SORCS3: variants seen among roughly 807,000 people sequenced by gnomAD.
SORCS3 encodes the protein VPS10 domain-containing receptor SorCS3.
SORCS3 carries 57 observed loss-of-function variants against 146.3 expected under a neutral mutation model. The observed-to-expected ratio is 0.39, with a 90% confidence interval of 0.31 to 0.49. The LOEUF is 0.49. Among genes scored for constraint, SORCS3 ranks in the 20% least tolerant of loss-of-function variants. The pLI is 0.92. For missense variants in SORCS3, 1,341 were observed against 1,575.5 expected (o/e 0.85, Z 2.52); for synonymous variants, 653 against 618.5 (o/e 1.06, Z -0.83).
rs745948 is a variant in SORCS3 at position 104,773,061 on chromosome 10, G to A, written c.628-69731G>A. Among the ~76,000 whole-genome samples the A allele has an allele frequency of 4.1e-3, 631 of 152,278 alleles. 6 individuals carry two copies. The highest frequency in any genetic ancestry group is 0.015 in the African/African-American group (616 of 41,542). Reference sequence around the variant, plus strand: ...TATCTCATGGGGAGATATAGTATGAGGCAAGGCTTCCCTGAAGAAGCAGCA... The same window carrying A: ...TATCTCATGGGGAGATATAGTATGAAGCAAGGCTTCCCTGAAGAAGCAGCA... On this transcript the variant is annotated intron_variant, in intron 1 of 26. Transcript: ENST00000369701.
intron 2 of SORCS3, among the ~76,000 whole-genome samples, chr10:104,909,078 T>TA (rs919846180): frequency 2.4e-4 from 36 of 152,154 alleles, no homozygotes; most frequent in African/African-American, 8.0e-4. Flanking sequence ...CTCTAGCTGA[T>TA]ACCAGCTAGA....
At chr10:105,169,119 A>T (rs1386224301) in intron 13 of SORCS3, among the ~76,000 whole-genome samples, 1 of 151,982 alleles carries the variant, frequency 6.6e-6, no homozygotes, top group Non-Finnish European at 1.5e-5. Context: ...CCTTTTTATC[A>T]CCCACTTATA....
chr10:105,193,580 A>G (rs989358494), intron 14 of SORCS3, among the ~76,000 whole-genome samples: 1 of 152,178 alleles, frequency 6.6e-6, no homozygotes, highest in Non-Finnish European at 1.5e-5. Flanking sequence ...AAACTCTTAG[A>G]AATGGTCTCA....
chr10:105,118,149 G>A (rs548848893), intron 7 of SORCS3, among the ~76,000 whole-genome samples: 1 of 152,248 alleles, frequency 6.6e-6, no homozygotes, highest in East Asian at 1.9e-4. Flanking sequence ...GTGTGTCGTG[G>A]GAGGGACCCA....
At chr10:104,718,280 A>G (rs983196079) in intron 1 of SORCS3, among the ~76,000 whole-genome samples, 7 of 152,158 alleles carry the variant, frequency 4.6e-5, no homozygotes, top group African/African-American at 1.7e-4. Flanking sequence ...GTGTCATCCC[A>G]TGGCAGAAGG....
chr10:104,992,046 G>A (rs1009429929), intron 4 of SORCS3, among the ~76,000 whole-genome samples: 18 of 152,196 alleles, frequency 1.2e-4, no homozygotes, highest in African/African-American at 4.3e-4. Flanking sequence ...CTGTGTGAGG[G>A]GGACAGTAGA....
At position 105,157,155 on chromosome 10, in the gene SORCS3, G is replaced by A; in HGVS notation, c.1500G>A (p.Gly500=). Residue 500 remains glycine, a synonymous_variant, in exon 10 of 27, where the codon GGG becomes GGA. Coordinates refer to ENST00000369701, the MANE Select transcript of SORCS3 (RefSeq NM_014978.3). ...IELYEVAGIK[G]IFLANKKVDD... is the part of the protein sequence containing the mutation. ...TTTCCTAGGTAGCAGGTATCAAAGG[G>A]ATATTTCTGGCAAACAAGAAGGTGG... 1 of 1,613,924 alleles carries A rather than the reference G, an allele frequency of 6.2e-7. No homozygotes were observed. The highest frequency in any genetic ancestry group is 1.3e-5 in the African/African-American group (1 of 74,992).
intron 1 of SORCS3, among the ~76,000 whole-genome samples, chr10:104,763,918 T>G (rs1220296326): frequency 2.0e-5 from 3 of 151,902 alleles, no homozygotes; most frequent in Non-Finnish European, 2.9e-5. Flanking sequence ...GTGAGGAAGG[T>G]GCCTTGCTTC....
intron 1 of SORCS3, among the ~76,000 whole-genome samples, chr10:104,701,653 A>G (rs557416058): frequency 6.6e-6 from 1 of 152,346 alleles, no homozygotes; most frequent in East Asian, 1.9e-4. Context: ...TAGAATGAAA[A>G]AACTTTGTTT....
At chr10:104,667,017 A>G (rs553717581) in intron 1 of SORCS3, among the ~76,000 whole-genome samples, 1 of 152,248 alleles carries the variant, frequency 6.6e-6, no homozygotes, top group South Asian at 2.1e-4. Context: ...GAGAGGAGAG[A>G]GAAGAGAGAG....
intron 3 of SORCS3, among the ~76,000 whole-genome samples, chr10:104,960,183 T>C: frequency 6.6e-6 from 1 of 152,216 alleles, no homozygotes; most frequent in East Asian, 1.9e-4. Flanking sequence ...AGCTCTTGGC[T>C]GTTTAGGCTC....
At chr10:104,783,498 C>G (rs1036130763) in intron 1 of SORCS3, among the ~76,000 whole-genome samples, 1 of 152,124 alleles carries the variant, frequency 6.6e-6, no homozygotes, top group Non-Finnish European at 1.5e-5. Context: ...TGTTGGGGGA[C>G]CGAGGCGGGT....
At chr10:105,228,491 T>A (rs1388817313) in intron 20 of SORCS3, among the ~76,000 whole-genome samples, 1 of 152,104 alleles carries the variant, frequency 6.6e-6, no homozygotes, top group Non-Finnish European at 1.5e-5. Context: ...TCTTTCTTTA[T>A]TTCTCTTTCA....
intron 4 of SORCS3, among the ~76,000 whole-genome samples, chr10:104,980,141 C>G (rs1023026371): frequency 6.6e-6 from 1 of 152,174 alleles, no homozygotes; most frequent in African/African-American, 2.4e-5. Flanking sequence ...CTTTCACTTG[C>G]TAAAAATATT....
chr10:105,058,695 G>A (rs1441868378), intron 5 of SORCS3, among the ~76,000 whole-genome samples: 2 of 152,104 alleles, frequency 1.3e-5, no homozygotes, highest in Non-Finnish European at 2.9e-5. Context: ...CAGGCCTTGG[G>A]GCACTAGTAG....
chr10:104,924,704 G>A (rs2019121813), intron 3 of SORCS3, among the ~76,000 whole-genome samples: 1 of 152,192 alleles, frequency 6.6e-6, no homozygotes, highest in Admixed American at 6.5e-5. Flanking sequence ...GTATGGCACT[G>A]AGAAGTCATT....
At chr10:104,696,659 T>TATATA (rs2016213901) in intron 1 of SORCS3, among the ~76,000 whole-genome samples, 1 of 30,968 alleles carries the variant, frequency 3.2e-5, no homozygotes, top group African/African-American at 1.4e-4. Flanking sequence ...ATTATATACG[T>TATATA]ATATATAATA....
intron 17 of SORCS3, among the ~76,000 whole-genome samples, chr10:105,212,327 C>T: frequency 6.6e-6 from 1 of 152,188 alleles, no homozygotes; most frequent in South Asian, 2.1e-4. Flanking sequence ...AGTTTAGGGA[C>T]TTAAGGCATT....
At chr10:104,721,726 C>T (rs9663988) in intron 1 of SORCS3, among the ~76,000 whole-genome samples, 151,743 of 152,066 alleles carry the variant, frequency 1, 75,710 homozygotes, top group East Asian at 1. Context: ...GGTATTTTAT[C>T]CTCTTTGAAG....
Sources: allele counts gnomAD v4.1 joint callset (sites outside exome capture counted in the v4.1 genomes callset), GRCh38; gene constraint gnomAD v4.1.1; transcripts MANE v1.5; gene names NCBI Gene and HGNC (gene_info 2026-07-23, HGNC 2026-07-21).